Variants in HYDIN observed in about 807,000 individuals in gnomAD.
HYDIN encodes HYDIN axonemal central pair apparatus protein, also known as axonemal central pair apparatus protein HYDIN.
A neutral mutation model predicts 403.9 loss-of-function variants in HYDIN; 132 were observed. The ratio of observed to expected loss-of-function variants is 0.33; its 90% CI spans 0.28 to 0.38. HYDIN has a LOEUF of 0.38. HYDIN is among the 10% of genes least tolerant of loss of function. The probability of loss-of-function intolerance (pLI) is 1.00; values close to 1 mark genes in which losing one functional copy is unlikely to be tolerated. For synonymous variants in HYDIN, 1,202 were observed against 1,891.7 expected, an observed-to-expected ratio of 0.64 and a Z score of 9.46; for missense variants, 2,827 against 5,009.5, an observed-to-expected ratio of 0.56 and a Z score of 13.15.
chr16:70,826,705 ATCTCTCTCTCTCTCTCTCTCTCTC>A (rs3043151), intron 83 of HYDIN, among the ~76,000 whole-genome samples: 1 of 129,028 alleles, frequency 7.8e-6, no homozygotes, highest in Non-Finnish European at 1.6e-5. Flanking sequence ...TCTTGCCAGC[ATCTCTCTCTCTCTCTCTCTCTCTC>A]TCTCTCTCTC....
At chr16:71,030,520 C>A (rs993481503) in intron 19 of HYDIN, among the ~76,000 whole-genome samples, 22 of 151,486 alleles carry the variant, frequency 1.5e-4, no homozygotes, top group Non-Finnish European at 2.8e-4. Context: ...GCAACCTCTG[C>A]CTCTTGGGCT....
In HYDIN at chr16:71,125,945, C is replaced by G. The variant is rs555056549; in HGVS notation, c.1227+3695G>C. Among the ~76,000 whole-genome samples the G allele has an allele frequency of 6.2e-4, 93 of 150,730 alleles. 1 individual carries two copies. In the East Asian group the frequency reaches 0.015, roughly 24 times the overall value. On this transcript the variant is annotated intron_variant, in intron 9 of 85. Transcript: ENST00000393567. ...TATCTGACCTGCACCACCCATCTCA[C>G]CCTCTGTCTGTGTCCACATTCCACA...
At chr16:71,070,157 CCAG>C (rs2082415313) in intron 13 of HYDIN, among the ~76,000 whole-genome samples, 1 of 152,142 alleles carries the variant, frequency 6.6e-6, no homozygotes, top group Non-Finnish European at 1.5e-5. Flanking sequence ...GTCATCGTAT[CCAG>C]CTTTGTTCCG....
intron 18 of HYDIN, among the ~76,000 whole-genome samples, chr16:71,037,068 G>A (rs1372174584): frequency 6.6e-6 from 1 of 151,236 alleles, no homozygotes; most frequent in Non-Finnish European, 1.5e-5. Context: ...TTGAGTCCCT[G>A]CTCTGCTGCT....
intron 41 of HYDIN, among the ~76,000 whole-genome samples, chr16:70,948,338 T>G (rs1187040763): frequency 6.6e-6 from 1 of 152,190 alleles, no homozygotes; most frequent in Non-Finnish European, 1.5e-5. Flanking sequence ...ATGTTAGTCC[T>G]AAAACCATAA....
intron 3 of HYDIN, among the ~76,000 whole-genome samples, chr16:71,180,671 T>C (rs766795629): frequency 1.9e-4 from 29 of 151,916 alleles, no homozygotes; most frequent in Non-Finnish European, 3.4e-4. Flanking sequence ...TGGCACTATA[T>C]AAAAACGATA....
At chr16:70,994,704 C>A (rs936568917) in intron 23 of HYDIN, among the ~76,000 whole-genome samples, 4 of 149,032 alleles carry the variant, frequency 2.7e-5, no homozygotes, top group African/African-American at 1.0e-4. Context: ...GATTTAGGAG[C>A]TGCCGTGGGT....
chr16:71,011,168 C>T (rs1017082265), intron 23 of HYDIN, among the ~76,000 whole-genome samples: 1 of 152,008 alleles, frequency 6.6e-6, no homozygotes, highest in Non-Finnish European at 1.5e-5. Context: ...AGGAAGAGAC[C>T]CTTAGAGAAC....
chr16:70,859,635 A>T (rs1229953234), intron 71 of HYDIN, among the ~76,000 whole-genome samples: 1 of 152,164 alleles, frequency 6.6e-6, no homozygotes, highest in Non-Finnish European at 1.5e-5. Context: ...ATTTGTGTAA[A>T]CATTTAGGAT....
At chr16:70,813,241 G>A (rs1340963239) in intron 84 of HYDIN, among the ~76,000 whole-genome samples, 2 of 151,172 alleles carry the variant, frequency 1.3e-5, no homozygotes, top group African/African-American at 4.9e-5. Flanking sequence ...GTGAGCCACC[G>A]CGCCCGGCCT....
chr16:70,875,434 T>C (rs2040387809), intron 62 of HYDIN, among the ~76,000 whole-genome samples: 1 of 151,846 alleles, frequency 6.6e-6, no homozygotes, highest in South Asian at 2.1e-4. Flanking sequence ...AAAGTGGTGG[T>C]TTCTGGCCCA....
intron 39 of HYDIN, among the ~76,000 whole-genome samples, chr16:70,957,094 C>T (rs1449889916): frequency 6.6e-6 from 1 of 151,078 alleles, no homozygotes; most frequent in East Asian, 1.9e-4. Flanking sequence ...TTGTCATCTT[C>T]CCGAACTGAA....
chr16:71,090,476 A>C (rs1417742407), intron 11 of HYDIN: 6 of 152,064 alleles, frequency 3.9e-5, no homozygotes, highest in Admixed American at 2.6e-4. Context: ...AATGACAGAG[A>C]CTGTTATGTT....
intron 1 of HYDIN, among the ~76,000 whole-genome samples, chr16:71,214,480 ATTT>A (rs1394862997): frequency 6.6e-6 from 1 of 152,160 alleles, no homozygotes; most frequent in East Asian, 1.9e-4. Flanking sequence ...TTATTGGAGG[ATTT>A]TTGTACCCAA....
chr16:70,874,990 T>C (rs928357045), intron 62 of HYDIN, 71 bp from the exon 63 acceptor site: 8 of 1,374,116 alleles, frequency 5.8e-6, no homozygotes, highest in African/African-American at 2.9e-5. Context: ...TGGGGTGAGA[T>C]ACTGTGCTGT....
rs535356887 is a variant in HYDIN, at chr16:70,908,830, C to T, written c.8036G>A (p.Gly2679Glu). The change falls in exon 48 of 86, where the codon GGG becomes GAG. Residue 2679 changes from glycine to glutamate, a missense_variant. Transcript: ENST00000393567. ...CTTTTCTTTCATTTTCTGTTTGCCC[C>T]CCTTAGATGAGCTGGTCTGCTCCTC... ...AQEEQTSSSK[G>E]GKQKMKEKID... 2 of 1,614,040 alleles carry T rather than the reference C, an allele frequency of 1.2e-6. No individual in the cohort carries two copies. The highest frequency in any genetic ancestry group is 1.7e-5 in the Admixed American group (1 of 60,004).
At chr16:70,984,119 T>C (rs1022024936) in intron 28 of HYDIN, among the ~76,000 whole-genome samples, 24 of 152,302 alleles carry the variant, frequency 1.6e-4, no homozygotes, top group Non-Finnish European at 2.6e-4. Flanking sequence ...TCCCAGCACT[T>C]TGGGATGCCA....
At chr16:71,062,516 C>T (rs1160567485) in intron 16 of HYDIN, 183 bp from the exon 17 acceptor site, 18 of 539,636 alleles carry the variant, frequency 3.3e-5, no homozygotes, top group South Asian at 1.7e-4. Flanking sequence ...GTGGGATGTG[C>T]GTGAGGCCCA....
At chr16:71,218,613 C>T (rs1301622009) in intron 1 of HYDIN, among the ~76,000 whole-genome samples, 1 of 152,174 alleles carries the variant, frequency 6.6e-6, no homozygotes, top group Non-Finnish European at 1.5e-5. Flanking sequence ...ACAGTTTTAA[C>T]ATAACAAGCC....
Sources: allele counts gnomAD v4.1 joint callset (sites outside exome capture counted in the v4.1 genomes callset), GRCh38; gene constraint gnomAD v4.1.1; transcripts MANE v1.5; gene names NCBI Gene and HGNC (gene_info 2026-07-23, HGNC 2026-07-21).